Variants in TCP11 observed in about 807,000 individuals in gnomAD.
TCP11 encodes the protein T-complex protein 11 homolog.
In TCP11, 34 loss-of-function variants were observed where a neutral mutation model predicts 45.0. The ratio of observed to expected loss-of-function variants is 0.76; its 90% CI spans 0.57 to 1.01. The LOEUF (loss-of-function observed/expected upper bound fraction) is 1.01. Among genes scored for constraint, TCP11 ranks in the 50% least tolerant of loss-of-function variants. The pLI, the probability that TCP11 is intolerant of heterozygous loss-of-function variation, is 0.00. For missense variants in TCP11, 523 were observed against 598.1 expected, an observed-to-expected ratio of 0.87 and a Z score of 1.31; for synonymous variants, 227 against 227.0, an observed-to-expected ratio of 1.00 and a Z score of 0.00.
At chr6:35,118,602 T>C (rs1778890819) in intron 9 of TCP11, 101 bp from the exon 10 acceptor site, 3 of 1,015,926 alleles carry the variant, frequency 3.0e-6, no homozygotes, top group Admixed American at 2.7e-5. Context: ...TTAACAGATA[T>C]GTACCAACCT....
chr6:35,130,902 A>G (rs921335503), intron 3 of TCP11, among the ~76,000 whole-genome samples: 1 of 152,236 alleles, frequency 6.6e-6, no homozygotes, highest in Non-Finnish European at 1.5e-5. Flanking sequence ...TCACACGAAA[A>G]CCTGCACACA....
intron 3 of TCP11, 23 bp from the exon 4 acceptor site, chr6:35,129,205 G>A (rs987380665): frequency 6.3e-7 from 1 of 1,599,948 alleles, no homozygotes; most frequent in African/African-American, 1.4e-5. Flanking sequence ...TAAATGAGCA[G>A]ATTACTCTCT....
intron 4 of TCP11, among the ~76,000 whole-genome samples, chr6:35,127,121 A>C (rs74943723): frequency 3.5e-4 from 53 of 152,272 alleles, no homozygotes; most frequent in Admixed American, 8.5e-4. Context: ...ATTTGTGTGA[A>C]ATACTTGCAT....
Position 35,119,395 on chromosome 6 carries a change from G to T in TCP11, c.1116-4C>A, listed in dbSNP as rs777575925. The T allele has an allele frequency of 5.6e-6, 9 of 1,613,240 alleles. No individual in the cohort carries two copies. Among genetic ancestry groups the T allele is most frequent in the African/African-American group, 1.3e-5 (1 of 74,920 alleles). ...AGTCAGTATAGCTTCCTCAGGCCTA[G>T]ACCATGAAAGAAAGTAAGCTGGCAC... On this transcript the variant is annotated splice_polypyrimidine_tract_variant and splice_region_variant and intron_variant, in intron 8 of 9. Transcript: ENST00000311875.
intron 4 of TCP11, among the ~76,000 whole-genome samples, chr6:35,122,920 TAA>T (rs1779445777): frequency 6.6e-6 from 1 of 152,196 alleles, no homozygotes; most frequent in African/African-American, 2.4e-5. Flanking sequence ...ACCTTCATGT[TAA>T]ACAAATAAAA....
chr6:35,130,799 C>T (rs191552509), intron 3 of TCP11, among the ~76,000 whole-genome samples: 163 of 152,334 alleles, frequency 1.1e-3, no homozygotes, highest in African/African-American at 3.6e-3. Context: ...TGGAAGGCAG[C>T]TGGGCAGTTT....
chr6:35,136,276 T>G (rs2127685737), intron 2 of TCP11, 58 bp from the exon 3 acceptor site: 1 of 1,369,048 alleles, frequency 7.3e-7, no homozygotes, highest in East Asian at 2.3e-5. Flanking sequence ...ATTCAGAGAT[T>G]CACTCAATCT....
rs1417293418 is a variant in TCP11 at position 35,140,895 on chromosome 6, G to T, written c.-14-11C>A. 1 of 1,555,352 alleles carries T rather than the reference G, an allele frequency of 6.4e-7. No homozygotes were observed. On this transcript the variant is annotated splice_polypyrimidine_tract_variant and intron_variant, in intron 1 of 9. Transcript: ENST00000311875. ...TTTTGCTGATGGTATCTGGGTGAGG[G>T]AGAAAGGCGTGTTGTTGGCGTCGGG...
intron 2 of TCP11, chr6:35,137,699 C>T (rs550338829): frequency 6.2e-5 from 27 of 437,174 alleles, no homozygotes; most frequent in South Asian, 2.8e-4. Context: ...ACAATGATTA[C>T]GTGGTGTATA....
At chr6:35,136,290 A>G in intron 2 of TCP11, 72 bp from the exon 3 acceptor site, 1 of 1,167,606 alleles carries the variant, frequency 8.6e-7, no homozygotes, top group African/African-American at 1.5e-5. Context: ...TCAATCTAGT[A>G]GGCCCCAAAT....
intron 4 of TCP11, chr6:35,128,753 G>A (rs1057007152): frequency 2.0e-5 from 5 of 244,286 alleles, no homozygotes; most frequent in Non-Finnish European, 2.4e-5. Context: ...GCATAGCTAT[G>A]CCCTCTCAAA....
chr6:35,121,567 C>T (rs1452992672), intron 5 of TCP11, among the ~76,000 whole-genome samples: 1 of 151,872 alleles, frequency 6.6e-6, no homozygotes, highest in Non-Finnish European at 1.5e-5. Flanking sequence ...AATCCCAGCA[C>T]TTTGGGAGGC....
Position 35,119,348 on chromosome 6 carries a change from C to T in TCP11, c.1159G>A (p.Glu387Lys). 6.2e-7 allele frequency: 1 copy of T among 1,614,196 alleles called. No individual in the cohort carries two copies. Among genetic ancestry groups the T allele is most frequent in the Non-Finnish European group, 8.5e-7 (1 of 1,180,026 alleles). ...ILTVSEQVSQEIHQSLKNMGL... is the reference protein window; with the variant it reads ...ILTVSEQVSQKIHQSLKNMGL... The stretch of plus-strand genomic sequence containing the variant: ...ATATTCTTGAGGCTTTGATGGATTT[C>T]CTGAGATACCTGTTCACTCACAGTC... The change falls in exon 9 of 10, where the codon GAA becomes AAA. Residue 387 changes from glutamate to lysine, a missense_variant. Coordinates refer to ENST00000311875, the MANE Select transcript of TCP11 (RefSeq NM_001370687.1).
intron 2 of TCP11, chr6:35,138,002 T>C (rs564856120): frequency 1.2e-5 from 4 of 340,456 alleles, no homozygotes; most frequent in Non-Finnish European, 2.3e-5. Flanking sequence ...TGTTCTTAGA[T>C]ACATGATGAA....
chr6:35,139,770 T>C (rs1781508446), intron 2 of TCP11, among the ~76,000 whole-genome samples: 1 of 152,180 alleles, frequency 6.6e-6, no homozygotes, highest in Non-Finnish European at 1.5e-5. Flanking sequence ...AATTCAGGAA[T>C]GAGGAGAGCT....
Position 35,118,115 on chromosome 6 carries a change from T to C in TCP11, c.*154A>G. The C allele has an allele frequency of 1.5e-6, 1 of 656,288 alleles. No individual in the cohort carries two copies. The allele number at this position is 656,288 out of a possible 1,614,324, so 40.7% of individuals were successfully genotyped here. A position where few individuals can be genotyped will look rare whatever the true frequency, so the allele number is the denominator to read the frequency against. ...TTATTAATGAATGGGTATGGACCAG[T>C]TGGTGTTTACATGCTTGATCCCTAC... On this transcript the variant is annotated 3_prime_UTR_variant, in exon 10 of 10. Transcript: ENST00000311875.
At chr6:35,140,294 C>T (rs1781576052) in intron 2 of TCP11, 2 of 1,232,372 alleles carry the variant, frequency 1.6e-6, no homozygotes, top group South Asian at 1.3e-5. Flanking sequence ...CGGAGAAGAC[C>T]TTGTGCCCCA....
At chr6:35,127,844 C>T (rs954659571) in intron 4 of TCP11, among the ~76,000 whole-genome samples, 1 of 152,106 alleles carries the variant, frequency 6.6e-6, no homozygotes, top group Non-Finnish European at 1.5e-5. Flanking sequence ...TATAGAAGAG[C>T]GCATGTGGAA....
rs369819615 is a variant in TCP11, at chr6:35,120,151, C to T, written c.1115+8G>A. On this transcript the variant is annotated splice_region_variant and intron_variant, in intron 8 of 9. Transcript: ENST00000311875. The surrounding 1 kb of genome is among the most constrained non-coding windows in gnomAD (Gnocchi z 4.9). ...CCTTCTACTCTAAAAAGTAACTATG[C>T]AGCTCACCTGGAGTGAAAGTCTTCC... 6.2e-7 allele frequency: 1 copy of T among 1,612,628 alleles called. No homozygotes were observed. The highest frequency in any genetic ancestry group is 8.5e-7 in the Non-Finnish European group (1 of 1,179,232).
Sources: allele counts gnomAD v4.1 joint callset (sites outside exome capture counted in the v4.1 genomes callset), GRCh38; gene constraint gnomAD v4.1.1; non-coding constraint Gnocchi (gnomAD v3.1); transcripts MANE v1.5; gene names NCBI Gene and HGNC (gene_info 2026-07-23, HGNC 2026-07-21).